VPS13B: variants seen among roughly 807,000 people sequenced by gnomAD.
VPS13B encodes the protein vacuolar protein sorting 13 homolog B.
VPS13B carries 285 observed loss-of-function variants against 426.4 expected under a neutral mutation model. That is an observed-to-expected ratio of 0.67 (90% confidence interval 0.61 to 0.74). The LOEUF (loss-of-function observed/expected upper bound fraction) is 0.74. Ranked by LOEUF, VPS13B falls within the 30% of genes least tolerant of loss-of-function variation. The probability of loss-of-function intolerance (pLI) is 0.00; values close to 1 mark genes in which losing one functional copy is unlikely to be tolerated. For synonymous variants in VPS13B, 1,676 were observed against 1,676.4 expected (o/e 1.00, Z 0.01); for missense variants, 4,537 against 4,782.6 (o/e 0.95, Z 1.51).
At chr8:99,517,427 A>G (rs986670498) in intron 29 of VPS13B, among the ~76,000 whole-genome samples, 10 of 152,306 alleles carry the variant, frequency 6.6e-5, no homozygotes, top group African/African-American at 2.4e-4. Context: ...TCTTGCCCCA[A>G]GAAAAGATGA....
At position 99,358,701 on chromosome 8, in the gene VPS13B, A is replaced by G. The variant is rs796794355; in HGVS notation, c.2825-25507A>G. Among the ~76,000 whole-genome samples the G allele has an allele frequency of 1.3e-3, 191 of 152,340 alleles. 2 individuals are homozygous for G. The highest frequency in any genetic ancestry group is 4.3e-3 in the African/African-American group (180 of 41,580). ...TCACTTTAGGACACATCTGAAGAAT[A>G]GCAGACAGTTATGAGAGGCTGTTAG... On this transcript the variant is annotated intron_variant, in intron 19 of 61. Transcript: ENST00000357162.
chr8:99,546,170 A>G (rs1463858963), intron 30 of VPS13B, among the ~76,000 whole-genome samples: 1 of 152,048 alleles, frequency 6.6e-6, no homozygotes, highest in East Asian at 1.9e-4. Context: ...GTGAGTCGGA[A>G]GTAACTCCAT....
chr8:99,047,148 A>G (rs1042105554), intron 3 of VPS13B, among the ~76,000 whole-genome samples: 2 of 152,120 alleles, frequency 1.3e-5, no homozygotes, highest in Non-Finnish European at 1.5e-5. Context: ...CTGTGAATGC[A>G]TATGGTCCTG....
chr8:99,290,026 T>C (rs1448290806), intron 19 of VPS13B, among the ~76,000 whole-genome samples: 2 of 152,064 alleles, frequency 1.3e-5, no homozygotes, highest in East Asian at 3.9e-4. Flanking sequence ...CTTTTTATTA[T>C]GTATATTACT....
chr8:99,155,030 A>G (rs1165222877), intron 14 of VPS13B, among the ~76,000 whole-genome samples: 2 of 152,086 alleles, frequency 1.3e-5, no homozygotes, highest in Non-Finnish European at 2.9e-5. Flanking sequence ...GCTTAAGGAA[A>G]AAGACAAAAA....
rs979109725 is a variant in VPS13B, at chr8:99,442,412, A to G, written c.3222A>G (p.Gln1074=). 5.6e-6 allele frequency: 9 copies of G among 1,613,724 alleles called. No homozygotes were observed. The highest frequency in any genetic ancestry group is 6.8e-6 in the Non-Finnish European group (8 of 1,179,710). Residue 1074 remains glutamine, a synonymous_variant, in exon 23 of 62, where the codon CAA becomes CAG. Transcript: ENST00000357162. ...CTTTTCTTTTCTAGCTTGAAGTACA[A>G]TCTTGTTGTGTGTTTATTCCAAATG... ...VKHLTLQLEV[Q]SCCVFIPNDS...
intron 19 of VPS13B, among the ~76,000 whole-genome samples, chr8:99,370,821 G>A (rs372027023): frequency 6.6e-6 from 1 of 151,960 alleles, no homozygotes; most frequent in Admixed American, 6.6e-5. Flanking sequence ...TTTTGGCCAG[G>A]CTGGTCTCGA....
intron 35 of VPS13B, among the ~76,000 whole-genome samples, chr8:99,691,888 C>T (rs1470464902): frequency 6.8e-6 from 1 of 147,424 alleles, no homozygotes; most frequent in Admixed American, 6.8e-5. Context: ...GCAGGGGTTG[C>T]AATCCTAGTC....
intron 35 of VPS13B, among the ~76,000 whole-genome samples, chr8:99,662,437 T>A (rs903834046): frequency 3.4e-5 from 5 of 148,810 alleles, no homozygotes; most frequent in Non-Finnish European, 5.9e-5. Context: ...GAATTTTATT[T>A]AATTTTATTT....
chr8:99,440,226 G>A (rs1817613455), intron 22 of VPS13B, among the ~76,000 whole-genome samples: 1 of 152,126 alleles, frequency 6.6e-6, no homozygotes, highest in Non-Finnish European at 1.5e-5. Flanking sequence ...CAGCTGTGAT[G>A]CATTCATGAA....
chr8:99,223,025 C>T (rs529444594), intron 17 of VPS13B, among the ~76,000 whole-genome samples: 22 of 152,114 alleles, frequency 1.4e-4, no homozygotes, highest in African/African-American at 4.6e-4. Flanking sequence ...TCAGTAGAGA[C>T]GGGGTTTCAC....
Position 99,391,564 on chromosome 8 carries a change from T to A in VPS13B, c.2942T>A (p.Val981Glu). 6.2e-7 allele frequency: 1 copy of A among 1,614,152 alleles called. No homozygotes were observed. The highest frequency in any genetic ancestry group is 8.5e-7 in the Non-Finnish European group (1 of 1,180,022). Residue 981 changes from valine to glutamate, a missense_variant, in exon 21 of 62, where the codon GTG becomes GAG. Val to Glu is a moderately radical substitution (Grantham distance 121). Transcript: ENST00000357162. ...RTSRHMQQQP[V>E]VAVPLVMPVC... is the part of the protein sequence containing the mutation. ...CATTTTGTCTCTTTCCAGCAGCCTG[T>A]GGTAGCTGTTCCTCTTGTTATGCCA...
At chr8:99,188,742 A>G (rs1813368969) in intron 16 of VPS13B, among the ~76,000 whole-genome samples, 1 of 152,030 alleles carries the variant, frequency 6.6e-6, no homozygotes, top group Non-Finnish European at 1.5e-5. Flanking sequence ...GCTTATTTTT[A>G]TTTTTTAAAA....
At chr8:99,367,222 G>T (rs938837519) in intron 19 of VPS13B, among the ~76,000 whole-genome samples, 2 of 152,130 alleles carry the variant, frequency 1.3e-5, no homozygotes, top group African/African-American at 2.4e-5. Flanking sequence ...GTTTGTTTGG[G>T]TAAGTCTTTA....
intron 17 of VPS13B, among the ~76,000 whole-genome samples, chr8:99,232,659 A>G (rs961740508): frequency 2.6e-5 from 4 of 152,170 alleles, no homozygotes; most frequent in African/African-American, 9.6e-5. Flanking sequence ...ATATGTGCAC[A>G]CATGTACAGA....
At chr8:99,172,749 T>A (rs774012469) in intron 16 of VPS13B, among the ~76,000 whole-genome samples, 8 of 152,196 alleles carry the variant, frequency 5.3e-5, no homozygotes, top group Non-Finnish European at 1.0e-4. Context: ...TAGATATTAT[T>A]GTAATTCTGA....
At chr8:99,155,177 A>C (rs896559620) in intron 14 of VPS13B, among the ~76,000 whole-genome samples, 3 of 152,160 alleles carry the variant, frequency 2.0e-5, no homozygotes, top group African/African-American at 7.2e-5. Flanking sequence ...ACCAAAAGAA[A>C]GATAGCATGG....
intron 57 of VPS13B, among the ~76,000 whole-genome samples, chr8:99,859,715 C>A (rs1272177485): frequency 3.3e-5 from 5 of 152,096 alleles, no homozygotes; most frequent in African/African-American, 1.2e-4. Context: ...GAATTTTAAG[C>A]CTCCCATTGG....
At chr8:99,170,217 GA>G (rs1035124999) in intron 16 of VPS13B, 54 bp downstream of exon 16, 2 of 1,590,730 alleles carry the variant, frequency 1.3e-6, no homozygotes, top group Admixed American at 1.7e-5. Context: ...TATTAGGAGG[GA>G]AAAAACCCCC....
Sources: gnomAD v4.1 joint callset for allele counts (sites outside exome capture counted in the v4.1 genomes callset) on GRCh38, gnomAD v4.1.1 for gene constraint, MANE v1.5 for transcripts, NCBI Gene and HGNC (gene_info 2026-07-23, HGNC 2026-07-21) for gene names.